The following PPM1B variants were observed in gnomAD, a reference collection of about 807,000 sequenced individuals.
PPM1B encodes the protein protein phosphatase 1B.
PPM1B carries 22 observed loss-of-function variants against 43.0 expected under a neutral mutation model. The observed-to-expected ratio is 0.51, with a 90% CI of 0.37 to 0.73. The LOEUF is 0.73. Among genes scored for constraint, PPM1B ranks in the 30% least tolerant of loss-of-function variants. The pLI, the probability that PPM1B is intolerant of heterozygous loss-of-function variation, is 0.00. For synonymous variants in PPM1B, 217 were observed against 197.9 expected (o/e 1.10, Z -0.81); for missense variants, 632 against 584.2 (o/e 1.08, Z -0.84).
chr2:44,226,493 A>AT (rs1285355486), intron 5 of PPM1B, among the ~76,000 whole-genome samples: 1 of 152,142 alleles, frequency 6.6e-6, no homozygotes, highest in Admixed American at 6.6e-5. Context: ...CATTTAGTCT[A>AT]TATCAGTGAT....
intron 3 of PPM1B, among the ~76,000 whole-genome samples, chr2:44,211,584 T>C (rs1171107329): frequency 2.0e-5 from 2 of 98,918 alleles, no homozygotes. Context: ...AATAAGTATT[T>C]AATAAATATG....
downstream of PPM1B, chr2:44,233,959 C>T (rs901134943): frequency 1.7e-5 from 17 of 985,210 alleles, no homozygotes; most frequent in African/African-American, 2.8e-4. Context: ...CACTCTGATC[C>T]AACCCTGTAC....
downstream of PPM1B, among the ~76,000 whole-genome samples, chr2:44,238,783 CTA>C (rs1491421059): frequency 6.6e-6 from 1 of 151,872 alleles, no homozygotes; most frequent in Non-Finnish European, 1.5e-5. Flanking sequence ...CGGACTGTAA[CTA>C]ATTTTAAAAT....
intron 1 of PPM1B, among the ~76,000 whole-genome samples, chr2:44,169,516 AGG>A (rs1474131172): frequency 6.6e-6 from 1 of 152,220 alleles, no homozygotes; most frequent in Non-Finnish European, 1.5e-5. Flanking sequence ...GGAGAGGCGC[AGG>A]GAGAGAATGG....
At chr2:44,235,120 A>G (rs1336501081), downstream of PPM1B, among the ~76,000 whole-genome samples, 1 of 152,216 alleles carries the variant, frequency 6.6e-6, no homozygotes, top group Non-Finnish European at 1.5e-5. Context: ...GCAATGTGAA[A>G]TCGGAAAGTT....
At chr2:44,224,480 T>C (rs1045365554) in intron 5 of PPM1B, among the ~76,000 whole-genome samples, 8 of 151,638 alleles carry the variant, frequency 5.3e-5, no homozygotes, top group Non-Finnish European at 1.0e-4. Context: ...AAAAAAGAAT[T>C]TTGGTTATGA....
At chr2:44,223,464 A>G (rs1353415250) in intron 5 of PPM1B, among the ~76,000 whole-genome samples, 2 of 151,940 alleles carry the variant, frequency 1.3e-5, no homozygotes, top group East Asian at 1.9e-4. Context: ...GTTTTTTCAT[A>G]TTTACTTTTT....
intron 1 of PPM1B, among the ~76,000 whole-genome samples, chr2:44,175,475 C>T (rs1433722398): frequency 1.3e-5 from 2 of 152,122 alleles, no homozygotes; most frequent in Non-Finnish European, 2.9e-5. Context: ...TGTGCAAAGG[C>T]CCCCATTTCA....
chr2:44,240,278 T>C (rs953566134), intron 5 of PPM1B, among the ~76,000 whole-genome samples: 6 of 146,090 alleles, frequency 4.1e-5, no homozygotes, highest in African/African-American at 1.5e-4. Flanking sequence ...GCCCTTCCTA[T>C]AATTATTTTG....
At chr2:44,229,318 A>G (rs1465002590) in intron 5 of PPM1B, among the ~76,000 whole-genome samples, 1 of 152,196 alleles carries the variant, frequency 6.6e-6, no homozygotes, top group African/African-American at 2.4e-5. Flanking sequence ...AAATTGTATA[A>G]TATTGAATAT....
At chr2:44,227,232 C>A (rs905382214) in intron 5 of PPM1B, among the ~76,000 whole-genome samples, 14 of 152,126 alleles carry the variant, frequency 9.2e-5, no homozygotes, top group Admixed American at 2.6e-4. Flanking sequence ...ACCTTGGCCT[C>A]CCAAAGTGCT....
chr2:44,227,284 T>G (rs987377192), intron 5 of PPM1B, among the ~76,000 whole-genome samples: 4 of 152,078 alleles, frequency 2.6e-5, no homozygotes, highest in Non-Finnish European at 5.9e-5. Flanking sequence ...TGAGAAACTT[T>G]ATTTAGGGAA....
intron 1 of PPM1B, among the ~76,000 whole-genome samples, chr2:44,176,505 C>T (rs1667588584): frequency 6.6e-6 from 1 of 152,102 alleles, no homozygotes; most frequent in African/African-American, 2.4e-5. Context: ...CCTTCCATAG[C>T]TTTGTTGTAT....
chr2:44,219,958 A>T (rs952887966), intron 5 of PPM1B, among the ~76,000 whole-genome samples: 25 of 152,044 alleles, frequency 1.6e-4, no homozygotes, highest in Admixed American at 1.2e-3. Flanking sequence ...AAAAAAAAAA[A>T]TTGACCCAAA....
At chr2:44,180,866 C>T (rs1417457081) in intron 1 of PPM1B, among the ~76,000 whole-genome samples, 1 of 151,678 alleles carries the variant, frequency 6.6e-6, no homozygotes, top group Non-Finnish European at 1.5e-5. Context: ...CTAAGAAGAG[C>T]AAAAATGTTA....
intron 1 of PPM1B, among the ~76,000 whole-genome samples, chr2:44,181,212 G>A (rs1572687925): frequency 6.6e-6 from 1 of 152,158 alleles, no homozygotes; most frequent in African/African-American, 2.4e-5. Flanking sequence ...GCCTCCAGAA[G>A]TGCTGGGATT....
At chr2:44,237,157 A>C (rs960755740), downstream of PPM1B, among the ~76,000 whole-genome samples, 3 of 152,244 alleles carry the variant, frequency 2.0e-5, no homozygotes, top group African/African-American at 7.2e-5. Context: ...GCATTATAAC[A>C]ATTTGCACTG....
chr2:44,171,505 A>G (rs748049819), intron 1 of PPM1B, among the ~76,000 whole-genome samples: 1 of 152,176 alleles, frequency 6.6e-6, no homozygotes, highest in Admixed American at 6.5e-5. Flanking sequence ...TGGCCACGGT[A>G]TCACTTAGTG....
intron 3 of PPM1B, among the ~76,000 whole-genome samples, chr2:44,211,477 G>A (rs1213753001): frequency 6.6e-6 from 1 of 152,154 alleles, no homozygotes; most frequent in Admixed American, 6.5e-5. Flanking sequence ...ATCACAATCA[G>A]GGAGGCATGT....
Sources: allele counts gnomAD v4.1 joint callset (sites outside exome capture counted in the v4.1 genomes callset), GRCh38; gene constraint gnomAD v4.1.1; transcripts MANE v1.5; gene names NCBI Gene and HGNC (gene_info 2026-07-23, HGNC 2026-07-21).